Variants in CRTAC1 observed in about 807,000 individuals in gnomAD.
CRTAC1 encodes acidic secreted protein in cartilage.
Under a neutral mutation model 67.8 loss-of-function variants are expected in CRTAC1, and 37 were observed. The observed-to-expected ratio is 0.55, with a 90% CI of 0.42 to 0.72. The LOEUF (loss-of-function observed/expected upper bound fraction) is 0.72. Among genes scored for constraint, CRTAC1 ranks in the 30% least tolerant of loss-of-function variants. CRTAC1 has a pLI of 0.00. For missense variants in CRTAC1, 780 were observed against 931.6 expected, an observed-to-expected ratio of 0.84 and a Z score of 2.12; for synonymous variants, 348 against 371.0, an observed-to-expected ratio of 0.94 and a Z score of 0.71.
chr10:97,986,218 G>C (rs1400424247), intron 2 of CRTAC1, among the ~76,000 whole-genome samples: 2 of 152,318 alleles, frequency 1.3e-5, no homozygotes, highest in East Asian at 3.9e-4. Context: ...CCACACCGGG[G>C]AGAGGAGAGC....
intron 12 of CRTAC1, 125 bp downstream of exon 12, chr10:97,884,081 G>A (rs781680089): frequency 8.8e-5 from 100 of 1,132,826 alleles, no homozygotes; most frequent in Non-Finnish European, 1.1e-4. Context: ...TGAAGCCTTC[G>A]CTTTGCCAAG....
At chr10:97,882,760 T>A in intron 13 of CRTAC1, 26 bp downstream of exon 13, 13 of 1,613,526 alleles carry the variant, frequency 8.1e-6, no homozygotes, top group Non-Finnish European at 1.1e-5. Flanking sequence ...CTCTACCCCA[T>A]GCCCTGGTGA....
At position 97,985,306 on chromosome 10, in the gene CRTAC1, C is replaced by T. The variant is rs79884184; in HGVS notation, c.224+25832G>A. 3.0e-3 allele frequency among the ~76,000 whole-genome samples: 461 copies of T among 152,238 alleles called. 3 individuals are homozygous for T. The highest frequency in any genetic ancestry group is 0.01 in the African/African-American group (420 of 41,526). ...GCTCTATTTGTCAACATTTTTCTCA[C>T]GTTGTAAATTACATTGGCCTCATTA... On this transcript the variant is annotated intron_variant, in intron 2 of 14. Coordinates refer to ENST00000370597, the MANE Select transcript of CRTAC1 (RefSeq NM_018058.7).
chr10:98,000,589 G>C lies in CRTAC1; in HGVS notation c.224+10549C>G, dbSNP rs369935954. On this transcript the variant is annotated intron_variant, in intron 2 of 14. Coordinates refer to ENST00000370597, the MANE Select transcript of CRTAC1 (RefSeq NM_018058.7). The stretch of plus-strand genomic sequence containing the variant: ...CGTGGGATCCAGCCTGGTGGTATGA[G>C]CTGAGCGCAGCCTGCCAGGGCGAGT... 3.3e-5 allele frequency among the ~76,000 whole-genome samples: 5 copies of C among 152,362 alleles called. No individual in the cohort carries two copies. The East Asian group carries it at 5.8e-4, about 18-fold the overall frequency.
chr10:97,875,746 C>T (rs1270406570), intron 14 of CRTAC1: 2 of 152,270 alleles, frequency 1.3e-5, no homozygotes, highest in East Asian at 3.9e-4. Context: ...CTACACGGGG[C>T]TCTTGGAGTC....
Position 97,917,588 on chromosome 10 carries a change from A to C in CRTAC1, c.627T>G (p.Ile209Met). The change falls in exon 5 of 15, where the codon ATT becomes ATG. Residue 209 changes from isoleucine to methionine, a missense_variant. Physicochemically the swap from Ile to Met is conservative, Grantham distance 10. Coordinates refer to ENST00000370597, the MANE Select transcript of CRTAC1 (RefSeq NM_018058.7). ...GGTCACTGGCCTCAGGGTCCATTTC[A>C]ATGAGGGCATCAGGGCCCACATTAC... ...AYGNVGPDAL[I>M]EMDPEASDLS... The C allele has an allele frequency of 6.2e-7, 1 of 1,603,504 alleles. No homozygotes were observed.
chr10:97,965,577 G>A (rs2051601457), intron 2 of CRTAC1, among the ~76,000 whole-genome samples: 1 of 151,770 alleles, frequency 6.6e-6, no homozygotes, highest in Admixed American at 6.6e-5. Flanking sequence ...CTACTTTGTG[G>A]AAAGTTATTC....
intron 2 of CRTAC1, among the ~76,000 whole-genome samples, chr10:97,970,808 C>T (rs1042672131): frequency 2.6e-5 from 4 of 152,214 alleles, no homozygotes; most frequent in African/African-American, 9.7e-5. Flanking sequence ...CTAGATAGTG[C>T]CTGACACAGA....
intron 2 of CRTAC1, among the ~76,000 whole-genome samples, chr10:97,981,309 C>T (rs1268376011): frequency 3.3e-5 from 5 of 152,302 alleles, no homozygotes; most frequent in South Asian, 2.1e-4. Flanking sequence ...CCTAGGATAG[C>T]GTTTAATACT....
intron 2 of CRTAC1, among the ~76,000 whole-genome samples, chr10:97,982,348 ATT>A (rs1411065478): frequency 6.6e-6 from 1 of 152,220 alleles, no homozygotes; most frequent in African/African-American, 2.4e-5. Context: ...ACTCCTTGAC[ATT>A]TCTTTTTCTG....
intron 5 of CRTAC1, among the ~76,000 whole-genome samples, chr10:97,916,950 G>A (rs1343685359): frequency 1.3e-5 from 2 of 148,546 alleles, no homozygotes; most frequent in East Asian, 2.0e-4. Flanking sequence ...AGGGGAGAGC[G>A]TGCCTTCAAA....
chr10:97,977,057 G>A (rs2051817089), intron 2 of CRTAC1, among the ~76,000 whole-genome samples: 1 of 152,234 alleles, frequency 6.6e-6, no homozygotes, highest in South Asian at 2.1e-4. Flanking sequence ...AAAAGTGGAA[G>A]TATTTGCTAA....
intron 1 of CRTAC1, among the ~76,000 whole-genome samples, chr10:98,028,252 T>C (rs1843280738): frequency 6.6e-6 from 1 of 152,152 alleles, no homozygotes; most frequent in Non-Finnish European, 1.5e-5. Context: ...CCAAGTACGA[T>C]GGTGGTGGTT....
chr10:97,878,575 C>T (rs2050173122), intron 14 of CRTAC1: 2 of 1,291,708 alleles, frequency 1.5e-6, no homozygotes, highest in South Asian at 1.3e-5. Context: ...GCCTTCACTA[C>T]TGAGGCTGGT....
At chr10:97,878,641 G>A in intron 14 of CRTAC1, 1 of 1,304,036 alleles carries the variant, frequency 7.7e-7, no homozygotes, top group Non-Finnish European at 1.0e-6. Flanking sequence ...GGCTACAGGA[G>A]CATTCTATTT....
chr10:97,965,253 C>T (rs1242104194), intron 2 of CRTAC1, among the ~76,000 whole-genome samples: 1 of 152,186 alleles, frequency 6.6e-6, no homozygotes, highest in Non-Finnish European at 1.5e-5. Flanking sequence ...TTGTATAGAA[C>T]TCTCTGTGTG....
intron 2 of CRTAC1, among the ~76,000 whole-genome samples, chr10:98,001,226 C>A (rs1842682502): frequency 6.6e-6 from 1 of 151,856 alleles, no homozygotes; most frequent in African/African-American, 2.4e-5. Flanking sequence ...CAAAGCAAGC[C>A]CCTCAGTTAT....
intron 2 of CRTAC1, among the ~76,000 whole-genome samples, chr10:97,988,579 G>C (rs953528116): frequency 6.6e-6 from 1 of 152,150 alleles, no homozygotes; most frequent in African/African-American, 2.4e-5. Context: ...AATTAGCCGG[G>C]TGTGGCAGCA....
intron 11 of CRTAC1, among the ~76,000 whole-genome samples, chr10:97,885,265 T>C (rs997027960): frequency 2.6e-5 from 4 of 152,020 alleles, no homozygotes; most frequent in Admixed American, 2.0e-4. Context: ...CTCAGGAGGA[T>C]GAGGCAGAAG....
Sources: gnomAD v4.1 joint callset for allele counts (sites outside exome capture counted in the v4.1 genomes callset) on GRCh38, gnomAD v4.1.1 for gene constraint, MANE v1.5 for transcripts, NCBI Gene and HGNC (gene_info 2026-07-23, HGNC 2026-07-21) for gene names.